The following GRIK2 variants were observed in gnomAD, a reference collection of about 807,000 sequenced individuals.
GRIK2 encodes glutamate ionotropic receptor kainate type subunit 2, also known as glutamate receptor ionotropic, kainate 2.
In GRIK2, 32 loss-of-function variants were observed where a neutral mutation model predicts 100.3. That is an observed-to-expected ratio of 0.32 (90% CI 0.24 to 0.43). The LOEUF (loss-of-function observed/expected upper bound fraction) is 0.43. Among genes scored for constraint, GRIK2 ranks in the 20% least tolerant of loss-of-function variants. The pLI is 1.00. For missense variants in GRIK2, 843 were observed against 1,114.9 expected (o/e 0.76, Z 3.47); for synonymous variants, 417 against 389.4 (o/e 1.07, Z -0.83).
Position 101,787,746 on chromosome 6 carries a change from T to C in GRIK2, c.952-11902T>C, listed in dbSNP as rs574475595. Among the ~76,000 whole-genome samples, 4 of 152,272 alleles carry C rather than the reference T, an allele frequency of 2.6e-5. No individual in the cohort carries two copies. The South Asian group carries it at 8.3e-4, about 32-fold the overall frequency. ...TTACATTGTTTTTCCTGGACTGTTT[T>C]GTGTGCTGATGAGAAGAATGTATAT... is the stretch of plus-strand genomic sequence containing the variant. On this transcript the variant is annotated intron_variant, in intron 7 of 16. Transcript: ENST00000369134.
intron 2 of GRIK2, among the ~76,000 whole-genome samples, chr6:101,516,527 C>G (rs1242058376): frequency 6.6e-6 from 1 of 152,016 alleles, no homozygotes; most frequent in Non-Finnish European, 1.5e-5. Context: ...GGATAATTGG[C>G]TAACCACATG....
At chr6:101,794,835 T>C (rs1175855705) in intron 7 of GRIK2, among the ~76,000 whole-genome samples, 1 of 152,114 alleles carries the variant, frequency 6.6e-6, no homozygotes, top group Non-Finnish European at 1.5e-5. Flanking sequence ...TGTTGATATC[T>C]ACACATTTTG....
intron 2 of GRIK2, among the ~76,000 whole-genome samples, chr6:101,599,898 T>C (rs1482043320): frequency 6.6e-6 from 1 of 151,814 alleles, no homozygotes; most frequent in African/African-American, 2.4e-5. Context: ...TGCAGCTCCT[T>C]AATTTAATTA....
intron 2 of GRIK2, among the ~76,000 whole-genome samples, chr6:101,470,390 G>C (rs144742055): frequency 1.0e-3 from 156 of 152,206 alleles, no homozygotes; most frequent in African/African-American, 3.7e-3. Context: ...TGTGGCCTCT[G>C]TTGCTTCAGT....
In GRIK2 at chr6:102,006,368, T is replaced by TTATA. The variant is rs3029070; in HGVS notation, c.2086-28953_2086-28950dup. Among the ~76,000 whole-genome samples, 679 of 125,772 alleles carry TTATA rather than the reference T, an allele frequency of 5.4e-3. 14 individuals carry two copies. The highest frequency in any genetic ancestry group is 0.048 in the East Asian group (194 of 4,076). The allele number at this position is 125,772 out of a possible 152,430, so 82.5% of individuals were successfully genotyped here. On this transcript the variant is annotated intron_variant, in intron 14 of 16. Coordinates refer to ENST00000369134, the MANE Select transcript of GRIK2 (RefSeq NM_021956.5). The stretch of plus-strand genomic sequence containing the variant: ...GATTTGAGAAAAGATGATAAACCTT[T>TTATA]TATATATATATATATATATATATTT...
intron 14 of GRIK2, among the ~76,000 whole-genome samples, chr6:101,979,962 TGGA>T (rs1793616043): frequency 6.6e-6 from 1 of 151,932 alleles, no homozygotes; most frequent in African/African-American, 2.4e-5. Context: ...ATTTCTGTGG[TGGA>T]GAAGTGCATT....
At chr6:101,844,894 T>G (rs1783717163) in intron 10 of GRIK2, among the ~76,000 whole-genome samples, 1 of 152,212 alleles carries the variant, frequency 6.6e-6, no homozygotes, top group Admixed American at 6.6e-5. Context: ...GTTTTCAGTA[T>G]GTTCACAATA....
rs73761496 is a variant in GRIK2 at position 101,953,213 on chromosome 6, A to C, written c.2085+24581A>C. On this transcript the variant is annotated intron_variant, in intron 14 of 16. Transcript: ENST00000369134. Reference sequence around the variant, plus strand: ...TGCTTCCACTTTTTGGATATTATAAATAATACTGCTATAAATATTAATGTA... The same window carrying C: ...TGCTTCCACTTTTTGGATATTATAACTAATACTGCTATAAATATTAATGTA... 9.0e-3 allele frequency among the ~76,000 whole-genome samples: 1,377 copies of C among 152,308 alleles called. 20 individuals carry two copies. Among genetic ancestry groups the C allele is most frequent in the African/African-American group, 0.031 (1,292 of 41,572 alleles).
intron 7 of GRIK2, among the ~76,000 whole-genome samples, chr6:101,756,728 G>C (rs573984575): frequency 1.3e-5 from 2 of 152,168 alleles, no homozygotes; most frequent in African/African-American, 4.8e-5. Context: ...ATTTATTTTT[G>C]GTGTTGAATT....
Position 101,498,117 on chromosome 6 carries a change from G to T in GRIK2, c.115+98725G>T, listed in dbSNP as rs1164571527. On this transcript the variant is annotated intron_variant, in intron 2 of 16. Coordinates refer to ENST00000369134, the MANE Select transcript of GRIK2 (RefSeq NM_021956.5). ...CCACCTATGAGTGAGAACATGTGGT[G>T]TTTGGTTTTTTGTCCTTGTGATAGT... 3.3e-4 allele frequency among the ~76,000 whole-genome samples: 48 copies of T among 146,226 alleles called. No homozygotes were observed. The East Asian group carries it at 9.3e-3, about 28-fold the overall frequency.
chr6:101,530,898 G>C (rs772441788), intron 2 of GRIK2, among the ~76,000 whole-genome samples: 12 of 151,926 alleles, frequency 7.9e-5, no homozygotes, highest in Non-Finnish European at 1.8e-4. Flanking sequence ...GGAAGGCAAA[G>C]GGGAGGAAAG....
At chr6:101,951,601 C>T (rs938657824) in intron 14 of GRIK2, among the ~76,000 whole-genome samples, 16 of 152,192 alleles carry the variant, frequency 1.1e-4, no homozygotes, top group African/African-American at 3.9e-4. Flanking sequence ...TTGTAGCTCT[C>T]ATAATCCCCA....
At chr6:101,762,092 CTT>C (rs1177951211) in intron 7 of GRIK2, among the ~76,000 whole-genome samples, 7 of 131,532 alleles carry the variant, frequency 5.3e-5, no homozygotes, top group African/African-American at 2.2e-4. Flanking sequence ...CCTTTCCTTC[CTT>C]CCTCCCTTCC....
chr6:101,694,043 C>T (rs1582973614), intron 7 of GRIK2, among the ~76,000 whole-genome samples: 2 of 152,188 alleles, frequency 1.3e-5, no homozygotes, highest in Non-Finnish European at 2.9e-5. Context: ...AGGTGATGCC[C>T]AATGCCCTGA....
intron 2 of GRIK2, among the ~76,000 whole-genome samples, chr6:101,592,624 T>TATATATATATATATA (rs71028078): frequency 1.1e-3 from 150 of 133,336 alleles, no homozygotes; most frequent in South Asian, 1.7e-3. Flanking sequence ...TATATATATA[T>TATATATATATATATA]TGCTTTTTCA....
chr6:101,616,706 G>A (rs1413501654), intron 2 of GRIK2, among the ~76,000 whole-genome samples: 3 of 151,530 alleles, frequency 2.0e-5, no homozygotes. Context: ...TTTAAAGCTT[G>A]ATAGATTTAA....
chr6:101,536,233 C>CTG (rs771023978), intron 2 of GRIK2, among the ~76,000 whole-genome samples: 1 of 151,684 alleles, frequency 6.6e-6, no homozygotes, highest in Non-Finnish European at 1.5e-5. Flanking sequence ...ATACTCTATT[C>CTG]ATGTTGTACG....
chr6:101,692,560 C>A (rs1402718788), intron 7 of GRIK2, among the ~76,000 whole-genome samples: 1 of 151,940 alleles, frequency 6.6e-6, no homozygotes, highest in African/African-American at 2.4e-5. Flanking sequence ...CAATTATGTT[C>A]AAAATGTGAT....
rs1428196773 is a variant in GRIK2 at position 101,662,742 on chromosome 6, G to T, written c.542-13881G>T. On this transcript the variant is annotated intron_variant, in intron 4 of 16. Coordinates refer to ENST00000369134, the MANE Select transcript of GRIK2 (RefSeq NM_021956.5). ...ATTCTGAACACTTCTATCGTGCTTTGGAGATTCTCACATTATTGTACATAA... is the reference window on the plus strand; with the variant it reads ...ATTCTGAACACTTCTATCGTGCTTTTGAGATTCTCACATTATTGTACATAA... Among the ~76,000 whole-genome samples the T allele has an allele frequency of 1.2e-4, 18 of 152,140 alleles. No homozygotes were observed. In the South Asian group the frequency reaches 3.5e-3, roughly 30 times the overall value.
Sources: gnomAD v4.1 joint callset for allele counts (sites outside exome capture counted in the v4.1 genomes callset) on GRCh38, gnomAD v4.1.1 for gene constraint, MANE v1.5 for transcripts, NCBI Gene and HGNC (gene_info 2026-07-23, HGNC 2026-07-21) for gene names.